MPP1: variants seen among roughly 807,000 people sequenced by gnomAD.
MPP1 encodes 55 kDa erythrocyte membrane protein.
In MPP1, 6 loss-of-function variants were observed where a neutral mutation model predicts 38.2. The observed-to-expected ratio is 0.16, with a 90% CI of 0.09 to 0.31. The LOEUF is 0.31. MPP1 is among the 10% of genes least tolerant of loss of function. The pLI, the probability that MPP1 is intolerant of heterozygous loss-of-function variation, is 1.00. For missense variants in MPP1, 293 were observed against 368.9 expected, an observed-to-expected ratio of 0.79 and a Z score of 1.69; for synonymous variants, 153 against 146.3, an observed-to-expected ratio of 1.05 and a Z score of -0.33.
intron 1 of MPP1, chrX:154,792,506 C>T: frequency 2.7e-6 from 1 of 374,510 alleles, no homozygotes; most frequent in South Asian, 6.5e-5. Context: ...GTCCCAGCTA[C>T]AGTCCCAGGG....
At chrX:154,797,704 T>G (rs1339753310) in intron 1 of MPP1, among the ~76,000 whole-genome samples, 2 of 112,281 alleles carry the variant, frequency 1.8e-5, no homozygotes, top group Non-Finnish European at 3.8e-5. Flanking sequence ...GATCTAGAGC[T>G]AGGCAAAAAG....
chrX:154,781,847 C>G (rs1451747183), intron 9 of MPP1, 45 bp from the exon 10 acceptor site: 3 of 1,148,846 alleles, frequency 2.6e-6, no homozygotes, highest in Admixed American at 4.4e-5. Flanking sequence ...AGGTCCTCAC[C>G]CTTTCATGAG....
At chrX:154,799,850 T>C (rs2072242408) in intron 1 of MPP1, 2 of 1,160,643 alleles carry the variant, frequency 1.7e-6, no homozygotes, top group African/African-American at 1.8e-5. Flanking sequence ...AGAGGAAACA[T>C]CTGCAGCAGG....
Position 154,786,252 on chromosome X carries a change from G to A in MPP1, c.629C>T (p.Ser210Phe), listed in dbSNP as rs35003354. 1.1e-4 allele frequency: 137 copies of A among 1,210,058 alleles called. No homozygotes were observed. In the African/African-American group the frequency reaches 1.5e-3, roughly 13 times the overall value. The change falls in exon 6 of 12, where the codon TCC (serine) becomes TTC (phenylalanine). Residue 210 changes from serine to phenylalanine, a missense_variant. Ser to Phe is a radical substitution (Grantham distance 155). Coordinates refer to ENST00000369534, the MANE Select transcript of MPP1 (RefSeq NM_002436.4). ...GATCAATCCTGCTGACTCCTTGGAG[G>A]AGCCTTCCACCCGTCCCTGCCACCA... Reference protein sequence around the residue: ...SNWWQGRVEGSSKESAGLIPS... With the variant: ...SNWWQGRVEGFSKESAGLIPS...
chrX:154,778,719 A>C lies in MPP1; in HGVS notation c.*458T>G, dbSNP rs2071948854. On this transcript the variant is annotated 3_prime_UTR_variant, in exon 12 of 12. Coordinates refer to ENST00000369534, the MANE Select transcript of MPP1 (RefSeq NM_002436.4). ...AACACAGCATTTTTATTGCTTTTGA[A>C]GGTTTCCCTAGAGCAGACATCATTC... 8.5e-6 allele frequency: 1 copy of C among 117,523 alleles called. No individual in the cohort carries two copies. The highest frequency in any genetic ancestry group is 9.1e-5 in the Admixed American group (1 of 11,008). The allele number at this position is 117,523 out of a possible 1,213,427, so 9.7% of individuals were successfully genotyped here.
rs2072153888 is a variant in MPP1 at position 154,792,490 on chromosome X, C to T, written c.103-205G>A. 3 of 398,702 alleles carry T rather than the reference C, an allele frequency of 7.5e-6. No individual in the cohort carries two copies. The South Asian group carries it at 1.8e-4, about 24-fold the overall frequency. 32.9% of individuals were successfully genotyped at this position (398,702 alleles called of 1,213,427 possible). On this transcript the variant is annotated intron_variant, in intron 1 of 11. Coordinates refer to ENST00000369534, the MANE Select transcript of MPP1 (RefSeq NM_002436.4). The stretch of plus-strand genomic sequence containing the variant: ...TGTCAGCCAAGTGTGGTGGTGTGCA[C>T]CTGTAGTCCCAGCTACAGTCCCAGG...
rs1252532913 is a variant in MPP1 at position 154,792,009 on chromosome X, A to G, written c.246+133T>C. 7 of 1,029,244 alleles carry G rather than the reference A, an allele frequency of 6.8e-6. No individual in the cohort carries two copies. In the Admixed American group the frequency reaches 1.6e-4, roughly 23 times the overall value. 84.8% of individuals were successfully genotyped at this position (1,029,244 alleles called of 1,213,427 possible). A position where few individuals can be genotyped will look rare whatever the true frequency, so the allele number is the denominator to read the frequency against. On this transcript the variant is annotated intron_variant, in intron 2 of 11. Transcript: ENST00000369534. ...AGCCTGCTTTGAGGAGGAATTTGAG[A>G]TAAGAATGAAAAGACAATTTTGGGG...
rs782740821 is a variant in MPP1 at position 154,779,978 on chromosome X, C to CA, written c.1225-626dup. ...AGGTGATCCGCCCGCCTCGGCCTCTCAAAGTGCTGGGATTACAGGTGTGAG... is the reference window on the plus strand; with the variant it reads ...AGGTGATCCGCCCGCCTCGGCCTCTCAAAAGTGCTGGGATTACAGGTGTGAG... On this transcript the variant is annotated intron_variant, in intron 11 of 11. Transcript: ENST00000369534. Among the ~76,000 whole-genome samples the CA allele has an allele frequency of 4.4e-5, 5 of 112,584 alleles. No individual in the cohort carries two copies. The Admixed American group carries it at 4.6e-4, about 10-fold the overall frequency.
At position 154,781,183 on chromosome X, in the gene MPP1, C is replaced by T. The variant is rs946942903; in HGVS notation, c.1224+56G>A. 1.2e-5 allele frequency: 12 copies of T among 1,033,499 alleles called. No individual in the cohort carries two copies. The South Asian group carries it at 1.8e-4, about 15-fold the overall frequency. The allele number at this position is 1,033,499 out of a possible 1,213,427, so 85.2% of individuals were successfully genotyped here. On this transcript the variant is annotated intron_variant, in intron 11 of 11. Coordinates refer to ENST00000369534, the MANE Select transcript of MPP1 (RefSeq NM_002436.4). ...TGGCCAATGACCTGGACTGAGGTCC[C>T]AGTATGGGCAGGCCCGGAGAAAGTG... is the stretch of plus-strand genomic sequence containing the variant.
At position 154,778,919 on chromosome X, in the gene MPP1, A is replaced by G. The variant is rs2071952772; in HGVS notation, c.*258T>C. 3 of 353,692 alleles carry G rather than the reference A, an allele frequency of 8.5e-6. No individual in the cohort carries two copies. Among genetic ancestry groups the G allele is most frequent in the Admixed American group, 1.0e-4 (2 of 19,331 alleles). The allele number at this position is 353,692 out of a possible 1,213,427, so 29.1% of individuals were successfully genotyped here. On this transcript the variant is annotated 3_prime_UTR_variant, in exon 12 of 12. Coordinates refer to ENST00000369534, the MANE Select transcript of MPP1 (RefSeq NM_002436.4). ...TGCATCACCCTTGATTAGCAGTTACATTTTGGTAGTACTTCTTACCCCCAA... is the reference window on the plus strand; with the variant it reads ...TGCATCACCCTTGATTAGCAGTTACGTTTTGGTAGTACTTCTTACCCCCAA...
In MPP1 at chrX:154,790,358, C is replaced by A. The variant is rs144287407; in HGVS notation, c.412-336G>T. On this transcript the variant is annotated intron_variant, in intron 4 of 11. Transcript: ENST00000369534. ...ACTAGCCTGGCCAACATGGTGAAAC[C>A]CTGTCTCTACTAAAAATACAAAAAT... Among the ~76,000 whole-genome samples the A allele has an allele frequency of 5.3e-3, 586 of 109,961 alleles. 4 individuals carry two copies. Among genetic ancestry groups the A allele is most frequent in the Middle Eastern group, 9.2e-3 (2 of 217 alleles).
At chrX:154,801,533 C>T (rs782058973) in intron 1 of MPP1, among the ~76,000 whole-genome samples, 2 of 109,793 alleles carry the variant, frequency 1.8e-5, no homozygotes, top group East Asian at 2.8e-4. Context: ...CCGAGGCAGG[C>T]GGATCACCTG....
At chrX:154,803,151 T>C (rs1411544178) in intron 1 of MPP1, among the ~76,000 whole-genome samples, 1 of 111,951 alleles carries the variant, frequency 8.9e-6, no homozygotes, top group African/African-American at 3.3e-5. Flanking sequence ...CCCAAAACCA[T>C]GCAGCAAGTG....
intron 1 of MPP1, among the ~76,000 whole-genome samples, chrX:154,802,144 G>A (rs2072274645): frequency 8.9e-6 from 1 of 112,268 alleles, no homozygotes; most frequent in Non-Finnish European, 1.9e-5. Flanking sequence ...CTCTGCCCAG[G>A]TACCACCTGC....
At chrX:154,799,948 G>A in intron 1 of MPP1, 1 of 1,043,376 alleles carries the variant, frequency 9.6e-7, no homozygotes, top group African/African-American at 1.9e-5. Flanking sequence ...GCGGTGGCGG[G>A]GGTGAATAGA....
chrX:154,789,370 A>G (rs2072115160), intron 5 of MPP1, among the ~76,000 whole-genome samples: 1 of 111,753 alleles, frequency 8.9e-6, no homozygotes, highest in East Asian at 2.8e-4. Context: ...TGTACATGGT[A>G]GACCCTCAAT....
rs138261278 is a variant in MPP1, at chrX:154,797,929, G to C, written c.103-5644C>G. 5.0e-3 allele frequency among the ~76,000 whole-genome samples: 564 copies of C among 111,903 alleles called. 2 individuals carry two copies. Among genetic ancestry groups the C allele is most frequent in the African/African-American group, 0.017 (532 of 30,732 alleles). On this transcript the variant is annotated intron_variant, in intron 1 of 11. Coordinates refer to ENST00000369534, the MANE Select transcript of MPP1 (RefSeq NM_002436.4). Reference sequence around the variant, plus strand: ...GTGCTCAATACTCAACAGTAAAAACGAACAATCTAATTAGAAAATGGGCAA... The same window carrying C: ...GTGCTCAATACTCAACAGTAAAAACCAACAATCTAATTAGAAAATGGGCAA...
intron 9 of MPP1, chrX:154,782,030 T>C (rs1195001432): frequency 3.1e-6 from 1 of 323,583 alleles, no homozygotes; most frequent in Non-Finnish European, 5.4e-6. Flanking sequence ...AAGCCTAACA[T>C]AGAAAATTCC....
intron 7 of MPP1, 60 bp downstream of exon 7, chrX:154,784,991 A>G (rs2072052647): frequency 9.4e-7 from 1 of 1,063,623 alleles, no homozygotes; most frequent in South Asian, 1.9e-5. Flanking sequence ...CTGGTTACAG[A>G]GACTGGGAAA....
Sources: allele counts gnomAD v4.1 joint callset (sites outside exome capture counted in the v4.1 genomes callset), GRCh38; gene constraint gnomAD v4.1.1; transcripts MANE v1.5; gene names NCBI Gene and HGNC (gene_info 2026-07-23, HGNC 2026-07-21).